The following TRPC1 variants were observed in gnomAD, a reference collection of about 807,000 sequenced individuals.
TRPC1 encodes the protein transient receptor potential cation channel subfamily C member 1, also known as short transient receptor potential channel 1.
TRPC1 carries 42 observed loss-of-function variants against 88.2 expected under a neutral mutation model. That is an observed-to-expected ratio of 0.48 (90% confidence interval 0.37 to 0.62). TRPC1 has a LOEUF of 0.62. TRPC1 is among the 20% of genes least tolerant of loss of function. TRPC1 has a pLI of 0.00. For synonymous variants in TRPC1, 288 were observed against 331.8 expected, an observed-to-expected ratio of 0.87 and a Z score of 1.43; for missense variants, 699 against 957.3, an observed-to-expected ratio of 0.73 and a Z score of 3.56.
intron 10 of TRPC1, 21 bp downstream of exon 10, chr3:142,802,365 T>C (rs1366691203): frequency 1.9e-5 from 26 of 1,361,460 alleles, no homozygotes; most frequent in Non-Finnish European, 2.5e-5. Context: ...TTTAAATGTT[T>C]TAGTAAATAT....
intron 10 of TRPC1, 29 bp downstream of exon 10, chr3:142,802,373 T>A: frequency 7.5e-7 from 1 of 1,335,160 alleles, no homozygotes; most frequent in South Asian, 2.5e-5. Flanking sequence ...TTTTAGTAAA[T>A]ATATTTGTCT....
chr3:142,787,626 A>T (rs961846599), intron 7 of TRPC1, among the ~76,000 whole-genome samples: 1 of 152,244 alleles, frequency 6.6e-6, no homozygotes, highest in Non-Finnish European at 1.5e-5. Flanking sequence ...TACTTTGTCT[A>T]AGCACAGGCA....
intron 9 of TRPC1, among the ~76,000 whole-genome samples, chr3:142,793,248 A>G (rs1470647497): frequency 6.6e-6 from 1 of 152,058 alleles, no homozygotes; most frequent in Admixed American, 6.6e-5. Flanking sequence ...TACACTTCAG[A>G]CAGTAGAGTA....
chr3:142,754,464 A>G (rs1467111801), intron 4 of TRPC1, among the ~76,000 whole-genome samples: 3 of 152,354 alleles, frequency 2.0e-5, no homozygotes, highest in Middle Eastern at 3.4e-3. Flanking sequence ...GCACACCAAC[A>G]TGGCACATGT....
At chr3:142,728,226 A>G (rs1397689907) in intron 1 of TRPC1, among the ~76,000 whole-genome samples, 3 of 151,980 alleles carry the variant, frequency 2.0e-5, no homozygotes, top group African/African-American at 7.3e-5. Flanking sequence ...GGATGGAGAG[A>G]GCAGGTTTTC....
intron 10 of TRPC1, 34 bp downstream of exon 10, chr3:142,802,378 T>A: frequency 1.5e-6 from 2 of 1,317,244 alleles, no homozygotes; most frequent in Non-Finnish European, 2.0e-6. Context: ...GTAAATATAT[T>A]TGTCTTTTTT....
chr3:142,786,553 T>C (rs1463039389), intron 7 of TRPC1, among the ~76,000 whole-genome samples: 3 of 152,174 alleles, frequency 2.0e-5, no homozygotes, highest in Non-Finnish European at 4.4e-5. Context: ...TTCCTGTAGT[T>C]TTGCTCTTAT....
At chr3:142,748,993 C>A (rs933653001) in intron 4 of TRPC1, among the ~76,000 whole-genome samples, 3 of 152,174 alleles carry the variant, frequency 2.0e-5, no homozygotes, top group African/African-American at 7.2e-5. Flanking sequence ...TGAGCAAGAT[C>A]ACACGTGGGC....
chr3:142,796,606 T>C (rs541849300), intron 9 of TRPC1, among the ~76,000 whole-genome samples: 1 of 152,060 alleles, frequency 6.6e-6, no homozygotes, highest in African/African-American at 2.4e-5. Flanking sequence ...AAGACTCTGC[T>C]GCGTGGGTCC....
rs1375010160 is a variant in TRPC1, at chr3:142,797,177, T to G, written c.1581+4210T>G. ...AGAAACTAAGTGGAAAAAAGGTTGT[T>G]TTTTTTTTTTTTGGAGGGGAATAAA... On this transcript the variant is annotated intron_variant, in intron 9 of 12. Transcript: ENST00000476941. Among the ~76,000 whole-genome samples, 5 of 119,140 alleles carry G rather than the reference T, an allele frequency of 4.2e-5. No individual in the cohort carries two copies. In the East Asian group the frequency reaches 1.5e-3, roughly 37 times the overall value. The allele number at this position is 119,140 out of a possible 152,430, so 78.2% of individuals were successfully genotyped here. A position where few individuals can be genotyped will look rare whatever the true frequency, so the allele number is the denominator to read the frequency against.
chr3:142,777,306 TA>T (rs956511464), intron 4 of TRPC1, among the ~76,000 whole-genome samples: 23 of 151,908 alleles, frequency 1.5e-4, no homozygotes, highest in African/African-American at 4.8e-4. Flanking sequence ...TCTTTTAAGT[TA>T]AAAAAAAGTT....
chr3:142,769,158 A>G (rs554233851), intron 4 of TRPC1, among the ~76,000 whole-genome samples: 1 of 152,298 alleles, frequency 6.6e-6, no homozygotes, highest in East Asian at 1.9e-4. Context: ...GATAGAATTC[A>G]CATACCATAT....
chr3:142,766,668 A>G (rs1388894538), intron 4 of TRPC1, among the ~76,000 whole-genome samples: 1 of 151,996 alleles, frequency 6.6e-6, no homozygotes, highest in Non-Finnish European at 1.5e-5. Context: ...GGTGTGAGCT[A>G]CCATGCCTGG....
At chr3:142,805,748 G>C (rs145578662) in intron 12 of TRPC1, among the ~76,000 whole-genome samples, 213 of 152,192 alleles carry the variant, frequency 1.4e-3, no homozygotes, top group African/African-American at 4.9e-3. Flanking sequence ...GTGGGTTGTA[G>C]TTTGCCAATC....
In TRPC1 at chr3:142,806,213, CTA is replaced by C. The variant is rs776919881; in HGVS notation, c.2362_2363del (p.Met788ValfsTer10). On this transcript the variant is annotated frameshift_variant, in exon 13 of 13. Transcript: ENST00000476941. LOFTEE classifies it high-confidence loss of function. ...CTTGGCTTTCGGACTTCTAAATATG[CTA>C]TGTTTTATCCAAGAAATTAACCATT... 1.2e-5 allele frequency: 20 copies of C among 1,607,558 alleles called. No homozygotes were observed. The East Asian group carries it at 3.6e-4, about 29-fold the overall frequency.
At chr3:142,757,298 A>AT (rs1935006761) in intron 4 of TRPC1, among the ~76,000 whole-genome samples, 1 of 151,926 alleles carries the variant, frequency 6.6e-6, no homozygotes, top group African/African-American at 2.4e-5. Flanking sequence ...TTTAAAAAAA[A>AT]ATTATGTTTA....
Position 142,804,617 on chromosome 3 carries a change from A to AAAAC in TRPC1, c.2143_2146dup (p.Ser716LysfsTer15). The AAAAC allele has an allele frequency of 6.2e-7, 1 of 1,603,882 alleles. No homozygotes were observed. Among genetic ancestry groups the AAAAC allele is most frequent in the Non-Finnish European group, 8.5e-7 (1 of 1,176,872 alleles). The stretch of plus-strand genomic sequence containing the variant: ...ACATCAAAAGGCAAGGTCAAACGGC[A>AAAAC]AAACAGTTTAAAGGTAAGAAATTAG... On this transcript the variant is annotated frameshift_variant, in exon 12 of 13. Transcript: ENST00000476941. LOFTEE classifies it high-confidence loss of function.
intron 1 of TRPC1, among the ~76,000 whole-genome samples, chr3:142,729,841 A>G (rs1933825251): frequency 6.6e-6 from 1 of 152,176 alleles, no homozygotes; most frequent in Admixed American, 6.5e-5. Flanking sequence ...TTAGGAGCCT[A>G]GATGAATGAT....
intron 1 of TRPC1, among the ~76,000 whole-genome samples, chr3:142,728,985 T>C (rs984248809): frequency 4.6e-5 from 7 of 152,158 alleles, no homozygotes; most frequent in Admixed American, 6.5e-5. Context: ...GAGGGTATTG[T>C]AGGCAGCATT....
Sources: gnomAD v4.1 joint callset for allele counts (sites outside exome capture counted in the v4.1 genomes callset) on GRCh38, gnomAD v4.1.1 for gene constraint, MANE v1.5 for transcripts, NCBI Gene and HGNC (gene_info 2026-07-23, HGNC 2026-07-21) for gene names.